Variants in CBFA2T2 observed in about 807,000 individuals in gnomAD.
The protein encoded by CBFA2T2 is CBFA2/RUNX1 partner transcriptional co-repressor 2, also known as protein CBFA2T2.
In CBFA2T2, 11 loss-of-function variants were observed where a neutral mutation model predicts 62.2. The ratio of observed to expected loss-of-function variants is 0.18; its 90% CI spans 0.11 to 0.29. The LOEUF (loss-of-function observed/expected upper bound fraction) is 0.29. Ranked by LOEUF, CBFA2T2 falls within the 10% of genes least tolerant of loss-of-function variation. CBFA2T2 has a pLI of 1.00. For synonymous variants in CBFA2T2, 295 were observed against 287.5 expected, an observed-to-expected ratio of 1.03 and a Z score of -0.27; for missense variants, 592 against 774.1, an observed-to-expected ratio of 0.76 and a Z score of 2.79.
chr20:33,590,521 T>C (rs971710999), intron 1 of CBFA2T2, among the ~76,000 whole-genome samples: 3 of 152,140 alleles, frequency 2.0e-5, no homozygotes, highest in Admixed American at 6.6e-5. Context: ...CTTCAAATAT[T>C]TGAGAGTGGT....
At chr20:33,566,993 CTG>C (rs1346882984) in intron 1 of CBFA2T2, among the ~76,000 whole-genome samples, 10 of 152,146 alleles carry the variant, frequency 6.6e-5, no homozygotes, top group East Asian at 1.9e-4. Flanking sequence ...ATGATGGACT[CTG>C]TGGATTGTTT....
chr20:33,512,106 G>T (rs138391207), intron 1 of CBFA2T2, among the ~76,000 whole-genome samples: 8 of 152,006 alleles, frequency 5.3e-5, no homozygotes, highest in African/African-American at 9.7e-5. Flanking sequence ...GAACCCGGGA[G>T]GGGGAGGTTG....
At chr20:33,551,241 A>G (rs1236677026) in intron 1 of CBFA2T2, among the ~76,000 whole-genome samples, 5 of 139,018 alleles carry the variant, frequency 3.6e-5, no homozygotes, top group Non-Finnish European at 7.8e-5. Flanking sequence ...TTTGAGATGG[A>G]GTTTCGCTGT....
chr20:33,568,285 A>G (rs917594525), intron 1 of CBFA2T2, among the ~76,000 whole-genome samples: 3 of 152,214 alleles, frequency 2.0e-5, no homozygotes, highest in Non-Finnish European at 4.4e-5. Context: ...TTGAAGTCAC[A>G]ATAACTAAAA....
At chr20:33,548,020 C>T (rs2012629902) in intron 1 of CBFA2T2, among the ~76,000 whole-genome samples, 1 of 152,074 alleles carries the variant, frequency 6.6e-6, no homozygotes, top group African/African-American at 2.4e-5. Flanking sequence ...ATCCTTCCAC[C>T]TCTGCCTCCT....
Position 33,649,116 on chromosome 20 carries a change from C to G in CBFA2T2, c.*4470C>G, listed in dbSNP as rs1425797026. On this transcript the variant is annotated 3_prime_UTR_variant, in exon 11 of 11. Coordinates refer to ENST00000342704, the MANE Select transcript of CBFA2T2 (RefSeq NM_001032999.3). ...GCTTTCTTCAGAACTGAACTAGAAA[C>G]AAGGTTTCCAGGCTCCCAGGTCAGT... The G allele has an allele frequency of 1.3e-5, 2 of 152,094 alleles. No homozygotes were observed. Among genetic ancestry groups the G allele is most frequent in the Non-Finnish European group, 2.9e-5 (2 of 68,008 alleles). The allele number at this position is 152,094 out of a possible 1,614,324, so 9.4% of individuals were successfully genotyped here. A position where few individuals can be genotyped will look rare whatever the true frequency, so the allele number is the denominator to read the frequency against.
chr20:33,644,412 T>C lies in CBFA2T2; in HGVS notation c.1554T>C (p.Cys518=), dbSNP rs1601128892. Residue 518 remains cysteine, a synonymous_variant, in exon 11 of 11, where the codon TGT becomes TGC. Coordinates refer to ENST00000342704, the MANE Select transcript of CBFA2T2 (RefSeq NM_001032999.3). ...TCSGCNIARY[C]GSFCQHKDWE... ...GTGGCTGCAATATCGCGCGATACTGTGGCTCTTTCTGCCAGCACAAGGACT... is the reference window on the plus strand; with the variant it reads ...GTGGCTGCAATATCGCGCGATACTGCGGCTCTTTCTGCCAGCACAAGGACT... The C allele has an allele frequency of 6.2e-7, 1 of 1,614,234 alleles. No individual in the cohort carries two copies. Among genetic ancestry groups the C allele is most frequent in the Non-Finnish European group, 8.5e-7 (1 of 1,180,048 alleles).
intron 3 of CBFA2T2, among the ~76,000 whole-genome samples, chr20:33,618,822 A>G (rs1213164123): frequency 6.6e-6 from 1 of 152,248 alleles, no homozygotes; most frequent in African/African-American, 2.4e-5. Flanking sequence ...AACAGGAAAC[A>G]TTGTAAGCTT....
At chr20:33,639,714 A>G (rs2016760839) in intron 9 of CBFA2T2, 1 of 152,656 alleles carries the variant, frequency 6.6e-6, no homozygotes, top group South Asian at 2.1e-4. Flanking sequence ...ACATAGTGAG[A>G]CATCGTCTCT....
At chr20:33,592,433 T>TATATAATTATGTAAAAATTATA (rs2014699761) in intron 1 of CBFA2T2, among the ~76,000 whole-genome samples, 1 of 148,056 alleles carries the variant, frequency 6.8e-6, no homozygotes, top group African/African-American at 2.5e-5. Flanking sequence ...AAAAATTATA[T>TATATAATTATGTAAAAATTATA]ATAATTATGT....
intron 1 of CBFA2T2, among the ~76,000 whole-genome samples, chr20:33,564,255 CTTTTTCTT>C (rs2013198900): frequency 6.8e-6 from 1 of 146,668 alleles, no homozygotes; most frequent in African/African-American, 2.5e-5. Context: ...GGACTTTTTT[CTTTTTCTT>C]TCTTTTTTTT....
At chr20:33,527,465 C>T (rs146030441) in intron 1 of CBFA2T2, among the ~76,000 whole-genome samples, 91 of 150,758 alleles carry the variant, frequency 6.0e-4, no homozygotes, top group African/African-American at 2.1e-3. Flanking sequence ...CACTGCCTTC[C>T]GGGTTCAAGC....
intron 1 of CBFA2T2, among the ~76,000 whole-genome samples, chr20:33,506,241 C>G (rs528991567): frequency 6.6e-6 from 1 of 152,032 alleles, no homozygotes; most frequent in South Asian, 2.1e-4. Flanking sequence ...CCTGTCTCTA[C>G]AAGATAATAA....
At chr20:33,628,483 T>G (rs781080799) in intron 7 of CBFA2T2, 48 bp downstream of exon 7, 7 of 1,335,144 alleles carry the variant, frequency 5.2e-6, no homozygotes, top group Non-Finnish European at 7.6e-6. Context: ...ATTACTTTTT[T>G]TTGAAACAGG....
intron 1 of CBFA2T2, among the ~76,000 whole-genome samples, chr20:33,565,470 GA>G (rs1018873288): frequency 4.6e-5 from 7 of 152,292 alleles, no homozygotes; most frequent in South Asian, 4.1e-4. Flanking sequence ...TAGAGGGCCT[GA>G]AAAGGGGATT....
chr20:33,628,266 G>A (rs985471605), intron 6 of CBFA2T2, 84 bp from the exon 7 acceptor site: 9 of 889,688 alleles, frequency 1.0e-5, no homozygotes, highest in African/African-American at 1.6e-5. Flanking sequence ...AAGTTATTAT[G>A]AATATGTGTG....
At chr20:33,557,475 T>A (rs1263829565) in intron 1 of CBFA2T2, among the ~76,000 whole-genome samples, 1 of 152,054 alleles carries the variant, frequency 6.6e-6, no homozygotes, top group African/African-American at 2.4e-5. Flanking sequence ...AGGAAGTGTA[T>A]GTATGAAAGT....
intron 1 of CBFA2T2, among the ~76,000 whole-genome samples, chr20:33,546,673 A>AT (rs1270098410): frequency 2.7e-5 from 4 of 149,056 alleles, no homozygotes; most frequent in East Asian, 2.0e-4. Flanking sequence ...TATTTTTTGT[A>AT]TTTTTTTATA....
chr20:33,643,489 T>C (rs907773047), intron 10 of CBFA2T2, among the ~76,000 whole-genome samples: 1 of 148,610 alleles, frequency 6.7e-6, no homozygotes, highest in African/African-American at 2.5e-5. Context: ...GGTGGGAGTG[T>C]GGGAGGATCC....
Sources: allele counts gnomAD v4.1 joint callset (sites outside exome capture counted in the v4.1 genomes callset), GRCh38; gene constraint gnomAD v4.1.1; transcripts MANE v1.5; gene names NCBI Gene and HGNC (gene_info 2026-07-23, HGNC 2026-07-21).